The following TTC1 variants were observed in gnomAD, a reference collection of about 807,000 sequenced individuals.
TTC1 encodes tetratricopeptide repeat domain 1, also known as tetratricopeptide repeat protein 1.
A neutral mutation model predicts 37.6 loss-of-function variants in TTC1; 31 were observed. The observed-to-expected ratio is 0.82, with a 90% CI of 0.62 to 1.11. The LOEUF (loss-of-function observed/expected upper bound fraction) is 1.11, where lower values mean the gene tolerates loss of function less well. TTC1 is among the 50% of genes most tolerant of loss of function. TTC1 has a pLI of 0.00. For missense variants in TTC1, 351 were observed against 339.0 expected (o/e 1.04, Z -0.28); for synonymous variants, 127 against 122.4 (o/e 1.04, Z -0.25).
In TTC1 at chr5:160,010,735, A is replaced by G; in HGVS notation, c.207A>G (p.Ser69=). 2 of 1,614,068 alleles carry G rather than the reference A, an allele frequency of 1.2e-6. No homozygotes were observed. Among genetic ancestry groups the G allele is most frequent in the African/African-American group, 1.3e-5 (1 of 75,040 alleles). ...AGTGTTTTCATGACTGCAGTGCCTCATTTGAGGAGGAGCCAGGAGCGGACA... is the reference window on the plus strand; with the variant it reads ...AGTGTTTTCATGACTGCAGTGCCTCGTTTGAGGAGGAGCCAGGAGCGGACA... The part of the protein sequence containing the change: ...EEECFHDCSA[S]FEEEPGADKV... Residue 69 remains serine, a synonymous_variant, in exon 2 of 8, where the codon TCA becomes TCG. Transcript: ENST00000231238.
At chr5:160,048,852 G>A (rs567038536) in intron 5 of TTC1, among the ~76,000 whole-genome samples, 2 of 152,302 alleles carry the variant, frequency 1.3e-5, no homozygotes, top group South Asian at 4.1e-4. Context: ...GTGGGAGGCT[G>A]AGGTAGGAGA....
intron 7 of TTC1, among the ~76,000 whole-genome samples, chr5:160,061,423 A>G (rs1167809100): frequency 6.6e-6 from 1 of 152,162 alleles, no homozygotes; most frequent in Non-Finnish European, 1.5e-5. Flanking sequence ...TTCCTTGTCA[A>G]ATTCTAAGCT....
At chr5:160,034,113 T>G (rs1175365112) in intron 2 of TTC1, among the ~76,000 whole-genome samples, 1 of 150,442 alleles carries the variant, frequency 6.6e-6, no homozygotes, top group Admixed American at 6.6e-5. Context: ...GACAACATAG[T>G]GAGACCCTAT....
intron 5 of TTC1, among the ~76,000 whole-genome samples, chr5:160,045,502 AC>A (rs1561634790): frequency 2.0e-5 from 2 of 99,272 alleles, no homozygotes; most frequent in South Asian, 3.7e-4. Flanking sequence ...ACACACACAC[AC>A]ACACACACAC....
At chr5:160,015,130 G>T (rs1001295173) in intron 2 of TTC1, among the ~76,000 whole-genome samples, 3 of 152,156 alleles carry the variant, frequency 2.0e-5, no homozygotes, top group Admixed American at 6.5e-5. Context: ...GAGTTTTAGA[G>T]GGTTGGAACT....
chr5:160,024,111 G>A, intron 2 of TTC1: 2 of 744,360 alleles, frequency 2.7e-6, no homozygotes, highest in Non-Finnish European at 4.7e-6. Context: ...TCTCTGTGCT[G>A]TGTACATAGC....
chr5:160,014,311 T>C (rs1011687543), intron 2 of TTC1, among the ~76,000 whole-genome samples: 4 of 151,942 alleles, frequency 2.6e-5, no homozygotes, highest in East Asian at 1.9e-4. Flanking sequence ...TGAGCCGAGA[T>C]TGGGCCATTG....
intron 2 of TTC1, among the ~76,000 whole-genome samples, chr5:160,029,123 G>C (rs1756861867): frequency 6.6e-6 from 1 of 152,236 alleles, no homozygotes; most frequent in African/African-American, 2.4e-5. Flanking sequence ...TAGTAAAGTG[G>C]CTATTCTGAG....
chr5:160,011,520 A>G (rs1242739320), intron 2 of TTC1, among the ~76,000 whole-genome samples: 8 of 152,248 alleles, frequency 5.3e-5, no homozygotes, highest in Non-Finnish European at 1.2e-4. Flanking sequence ...TCAAACACCT[A>G]ATGAATTGCA....
At chr5:160,017,222 G>A (rs544415843) in intron 2 of TTC1, among the ~76,000 whole-genome samples, 9 of 152,304 alleles carry the variant, frequency 5.9e-5, no homozygotes, top group Middle Eastern at 3.4e-3. Context: ...TTCTATCTTA[G>A]TGTGTTGGAG....
At chr5:160,036,869 T>C in intron 4 of TTC1, 66 bp downstream of exon 4, 4 of 1,190,352 alleles carry the variant, frequency 3.4e-6, no homozygotes, top group Non-Finnish European at 2.5e-6. Context: ...TACCATAGTT[T>C]CTCTCCAGAA....
intron 2 of TTC1, among the ~76,000 whole-genome samples, chr5:160,019,410 A>G (rs17057337): frequency 0.085 from 12,846 of 151,926 alleles, 714 homozygotes; most frequent in Admixed American, 0.18. Flanking sequence ...CTGCCACCCT[A>G]TTGCACCATT....
chr5:160,010,851 AG>A lies in TTC1; in HGVS notation c.324del (p.Lys109AsnfsTer11). ...IELEKNMSDE[E>X]KQKRREESTR... ...CTGGAAAAAAACATGTCGGATGAAG[AG>A]AAACAGGTAAGTATTTTATTTATTG... On this transcript the variant is annotated frameshift_variant, in exon 2 of 8. Coordinates refer to ENST00000231238, the MANE Select transcript of TTC1 (RefSeq NM_003314.3). LOFTEE classifies it high-confidence loss of function. The A allele has an allele frequency of 6.2e-7, 1 of 1,611,354 alleles. No individual in the cohort carries two copies. The highest frequency in any genetic ancestry group is 8.5e-7 in the Non-Finnish European group (1 of 1,178,356).
Position 160,064,921 on chromosome 5 carries a change from T to TTAC in TTC1, c.746-10_746-8dup. On this transcript the variant is annotated splice_polypyrimidine_tract_variant and intron_variant, in intron 7 of 7. Transcript: ENST00000231238. ...CCTGTATTCATTTGAGTTTTTGCTT[T>TTAC]TACATTACAGGTAAATTAAAAGATC... The TTAC allele has an allele frequency of 1.4e-5, 22 of 1,604,354 alleles. No individual in the cohort carries two copies. Among genetic ancestry groups the TTAC allele is most frequent in the Non-Finnish European group, 1.9e-5 (22 of 1,177,770 alleles).
chr5:160,034,856 C>T (rs1439909798), intron 2 of TTC1, among the ~76,000 whole-genome samples: 1 of 152,176 alleles, frequency 6.6e-6, no homozygotes, highest in Admixed American at 6.5e-5. Flanking sequence ...TTAAGTGATA[C>T]TGTAATTATC....
At chr5:160,018,335 T>C (rs1195201969) in intron 2 of TTC1, among the ~76,000 whole-genome samples, 1 of 152,154 alleles carries the variant, frequency 6.6e-6, no homozygotes, top group Non-Finnish European at 1.5e-5. Context: ...GCAACCTGAC[T>C]AAGACAGGTG....
rs879376544 is a variant in TTC1 at position 160,057,405 on chromosome 5, TA to T, written c.745+6234del. On this transcript the variant is annotated intron_variant, in intron 7 of 7. Transcript: ENST00000231238. The surrounding 1 kb of genome is among the most constrained non-coding windows in gnomAD (Gnocchi z 4.4). ...ACTAAGTATGCAACAGCACTGTGTC[TA>T]AAAAAAAAAAATGTACATACCTTAA... 1.4e-3 allele frequency among the ~76,000 whole-genome samples: 202 copies of T among 144,350 alleles called. 1 individual carries two copies. The highest frequency in any genetic ancestry group is 4.2e-3 in the South Asian group (19 of 4,542). The allele number at this position is 144,350 out of a possible 152,430, so 94.7% of individuals were successfully genotyped here. A position where few individuals can be genotyped will look rare whatever the true frequency, so the allele number is the denominator to read the frequency against.
chr5:160,062,382 G>A (rs1399834326), intron 7 of TTC1, among the ~76,000 whole-genome samples: 1 of 152,118 alleles, frequency 6.6e-6, no homozygotes, highest in African/African-American at 2.4e-5. Flanking sequence ...CACCACCCTG[G>A]ACCTATTCCC....
intron 7 of TTC1, among the ~76,000 whole-genome samples, chr5:160,059,657 C>G (rs1757646655): frequency 6.6e-6 from 1 of 152,102 alleles, no homozygotes; most frequent in African/African-American, 2.4e-5. Context: ...GGGAGAGATA[C>G]AAGGGAATGG....
Sources: allele counts gnomAD v4.1 joint callset (sites outside exome capture counted in the v4.1 genomes callset), GRCh38; gene constraint gnomAD v4.1.1; non-coding constraint Gnocchi (gnomAD v3.1); transcripts MANE v1.5; gene names NCBI Gene and HGNC (gene_info 2026-07-23, HGNC 2026-07-21).